Variants in EYS observed in about 807,000 individuals in gnomAD.
EYS encodes EGF-like photoreceptor maintenance factor, also known as protein eyes shut homolog.
A neutral mutation model predicts 282.1 loss-of-function variants in EYS; 250 were observed. The ratio of observed to expected loss-of-function variants is 0.89; its 90% confidence interval spans 0.80 to 0.98. EYS has a LOEUF of 0.98. Ranked by LOEUF, EYS falls within the 50% of genes least tolerant of loss-of-function variation. EYS has a pLI of 0.00. For synonymous variants in EYS, 1,355 were observed against 1,282.9 expected (o/e 1.06, Z -1.20); for missense variants, 4,016 against 3,709.0 (o/e 1.08, Z -2.15).
At chr6:64,421,310 A>AG (rs1238173109) in intron 28 of EYS, among the ~76,000 whole-genome samples, 1 of 152,114 alleles carries the variant, frequency 6.6e-6, no homozygotes, top group African/African-American at 2.4e-5. Context: ...ATAGCTTGGA[A>AG]GAAACTGTCC....
intron 12 of EYS, among the ~76,000 whole-genome samples, chr6:65,219,806 T>A (rs1766413099): frequency 6.6e-6 from 1 of 152,112 alleles, no homozygotes; most frequent in Admixed American, 6.6e-5. Context: ...ACATCTTACA[T>A]GGCGGCAGGC....
At chr6:65,278,328 A>ATATATATAGAATCTATATATTC (rs1554177646) in intron 12 of EYS, among the ~76,000 whole-genome samples, 1,685 of 133,466 alleles carry the variant, frequency 0.013, 43 homozygotes, top group African/African-American at 0.042. Context: ...AGAAATCTAT[A>ATATATATAGAATCTATATATTC]TATATATAGA....
intron 35 of EYS, among the ~76,000 whole-genome samples, chr6:63,920,897 CTT>C (rs545654220): frequency 1.2e-4 from 17 of 144,094 alleles, no homozygotes; most frequent in African/African-American, 1.3e-4. Context: ...TTCTTTCTTC[CTT>C]TTTTTTTTTT....
intron 35 of EYS, among the ~76,000 whole-genome samples, chr6:63,922,218 C>T (rs930114729): frequency 6.6e-6 from 1 of 152,192 alleles, no homozygotes; most frequent in Admixed American, 6.5e-5. Flanking sequence ...GTAACTCAAG[C>T]TGGCTAATAC....
At chr6:65,011,165 G>C (rs900494025) in intron 13 of EYS, among the ~76,000 whole-genome samples, 4 of 152,184 alleles carry the variant, frequency 2.6e-5, no homozygotes, top group Non-Finnish European at 5.9e-5. Flanking sequence ...GTTGCCTGCA[G>C]CTAACCAATG....
At chr6:64,119,753 A>G (rs911131715) in intron 31 of EYS, among the ~76,000 whole-genome samples, 4 of 152,226 alleles carry the variant, frequency 2.6e-5, no homozygotes, top group African/African-American at 9.6e-5. Flanking sequence ...AATTGCTTAT[A>G]AAGGGCTTTT....
chr6:65,430,122 G>A (rs1392968086), intron 5 of EYS, among the ~76,000 whole-genome samples: 1 of 152,074 alleles, frequency 6.6e-6, no homozygotes, highest in African/African-American at 2.4e-5. Flanking sequence ...CAGAATAGAA[G>A]GCTCCATCAA....
At chr6:65,663,740 G>C (rs1227296262) in intron 1 of EYS, among the ~76,000 whole-genome samples, 1 of 152,150 alleles carries the variant, frequency 6.6e-6, no homozygotes, top group African/African-American at 2.4e-5. Flanking sequence ...GGAGTGCAGT[G>C]GCACGATCTC....
At chr6:64,013,094 C>T (rs1481368654) in intron 33 of EYS, among the ~76,000 whole-genome samples, 3 of 152,080 alleles carry the variant, frequency 2.0e-5, no homozygotes, top group Non-Finnish European at 2.9e-5. Flanking sequence ...AAGCCATTTT[C>T]CTGTGATGTA....
At chr6:65,030,501 G>A (rs1772564842) in intron 13 of EYS, among the ~76,000 whole-genome samples, 1 of 152,080 alleles carries the variant, frequency 6.6e-6, no homozygotes, top group Non-Finnish European at 1.5e-5. Context: ...TGCATCCCCT[G>A]AGCACCCTGT....
chr6:65,491,560 A>G (rs1205691298), intron 4 of EYS: 1 of 435,606 alleles, frequency 2.3e-6, no homozygotes, highest in Admixed American at 2.4e-5. Context: ...CTAATGCAGA[A>G]CTTTTTTCTT....
intron 14 of EYS, among the ~76,000 whole-genome samples, chr6:64,954,934 T>C (rs6910875): frequency 0.26 from 38,971 of 152,026 alleles, 6,296 homozygotes; most frequent in African/African-American, 0.45. Flanking sequence ...TTTGGAAGGC[T>C]GAGGCAGGTA....
At position 64,971,310 on chromosome 6, in the gene EYS, A is replaced by AT. The variant is rs1016627993; in HGVS notation, c.2260-25397_2260-25396insA. ...AGTGTCCTATTCTAGAAAAAAAAAAAGCCACAAAGGACATTCATTAGCATG... is the reference window on the plus strand; with the variant it reads ...AGTGTCCTATTCTAGAAAAAAAAAAATGCCACAAAGGACATTCATTAGCATG... On this transcript the variant is annotated intron_variant, in intron 14 of 42. Coordinates refer to ENST00000503581, the MANE Select transcript of EYS (RefSeq NM_001142800.2). 8.3e-5 allele frequency among the ~76,000 whole-genome samples: 12 copies of AT among 145,054 alleles called. No homozygotes were observed. The South Asian group carries it at 8.7e-4, about 11-fold the overall frequency.
chr6:65,155,479 C>G (rs1764710487), intron 12 of EYS, among the ~76,000 whole-genome samples: 1 of 151,502 alleles, frequency 6.6e-6, no homozygotes, highest in African/African-American at 2.4e-5. Flanking sequence ...GAATTTTCTC[C>G]TGAATTATTT....
At chr6:65,618,318 T>G (rs1352490720) in intron 2 of EYS, among the ~76,000 whole-genome samples, 1 of 152,278 alleles carries the variant, frequency 6.6e-6, no homozygotes, top group African/African-American at 2.4e-5. Flanking sequence ...GGTGAGCATT[T>G]TTTCATGTGT....
intron 22 of EYS, among the ~76,000 whole-genome samples, chr6:64,676,557 A>G (rs989220390): frequency 7.2e-5 from 11 of 152,164 alleles, no homozygotes; most frequent in Admixed American, 3.9e-4. Context: ...CAGTAAACCT[A>G]CAACCAAAAT....
intron 4 of EYS, 34 bp from the exon 5 acceptor site, chr6:65,490,741 G>T (rs1307049863): frequency 9.1e-7 from 1 of 1,094,122 alleles, no homozygotes; most frequent in Admixed American, 1.7e-5. Flanking sequence ...TTTTACATTG[G>T]ATATCAATAT....
At chr6:64,755,493 T>TAC (rs1772904031) in intron 22 of EYS, among the ~76,000 whole-genome samples, 1 of 32,472 alleles carries the variant, frequency 3.1e-5, no homozygotes, top group African/African-American at 9.2e-5. Context: ...CTTGAGAACA[T>TAC]ACATACACAC....
intron 2 of EYS, among the ~76,000 whole-genome samples, chr6:65,627,931 C>T (rs958514149): frequency 6.6e-6 from 1 of 152,250 alleles, no homozygotes; most frequent in African/African-American, 2.4e-5. Context: ...AATGCGAGCG[C>T]ACGGCGCAGG....
Sources: allele counts gnomAD v4.1 joint callset (sites outside exome capture counted in the v4.1 genomes callset), GRCh38; gene constraint gnomAD v4.1.1; transcripts MANE v1.5; gene names NCBI Gene and HGNC (gene_info 2026-07-23, HGNC 2026-07-21).